Variants in ZFHX3 observed in about 807,000 individuals in gnomAD.
ZFHX3 encodes the protein zinc finger homeobox 3, also known as zinc finger homeobox protein 3.
In ZFHX3, 42 loss-of-function variants were observed where a neutral mutation model predicts 279.1. The observed-to-expected ratio is 0.15, with a 90% CI of 0.12 to 0.19. The LOEUF is 0.19. Among genes scored for constraint, ZFHX3 ranks in the 10% least tolerant of loss-of-function variants. The pLI, the probability that ZFHX3 is intolerant of heterozygous loss-of-function variation, is 1.00. For missense variants in ZFHX3, 4,981 were observed against 4,754.0 expected, an observed-to-expected ratio of 1.05 and a Z score of -1.40; for synonymous variants, 2,293 against 1,957.8, an observed-to-expected ratio of 1.17 and a Z score of -4.52.
At chr16:73,492,373 T>C (rs1489032655) in intron 2 of ZFHX3, among the ~76,000 whole-genome samples, 3 of 152,248 alleles carry the variant, frequency 2.0e-5, no homozygotes, top group African/African-American at 7.2e-5. Flanking sequence ...CTTGTATGGC[T>C]GTGTTGACTG....
At chr16:73,693,682 A>C (rs577038972) in intron 1 of ZFHX3, among the ~76,000 whole-genome samples, 1 of 152,340 alleles carries the variant, frequency 6.6e-6, no homozygotes, top group East Asian at 1.9e-4. Flanking sequence ...AGTACCATAA[A>C]GGAAAGCCCT....
At chr16:73,004,172 T>TA in intron 1 of ZFHX3, among the ~76,000 whole-genome samples, 1 of 138,680 alleles carries the variant, frequency 7.2e-6, no homozygotes, top group Admixed American at 7.4e-5. Flanking sequence ...TTTTTTTTTT[T>TA]TTTTTTTTTT....
At chr16:73,081,519 A>G (rs1314339345) in intron 8 of ZFHX3, 1 of 152,150 alleles carries the variant, frequency 6.6e-6, no homozygotes, top group East Asian at 1.9e-4. Flanking sequence ...TCGACCTCCC[A>G]AAGTGCTGGG....
chr16:73,884,098 C>A (rs2030268437), intron 1 of ZFHX3, among the ~76,000 whole-genome samples: 2 of 152,278 alleles, frequency 1.3e-5, no homozygotes, highest in South Asian at 4.1e-4. Context: ...GTTTCCAGCA[C>A]ACTGTGATCA....
intron 3 of ZFHX3, among the ~76,000 whole-genome samples, chr16:73,436,615 G>C (rs927586435): frequency 6.6e-6 from 1 of 152,104 alleles, no homozygotes; most frequent in African/African-American, 2.4e-5. Context: ...CAGCCAAACC[G>C]TATCAGCTAC....
At chr16:73,336,349 C>T (rs2015912555) in intron 3 of ZFHX3, among the ~76,000 whole-genome samples, 1 of 152,070 alleles carries the variant, frequency 6.6e-6, no homozygotes, top group African/African-American at 2.4e-5. Flanking sequence ...GGACAATAAG[C>T]ATAGCACCTG....
chr16:73,648,196 T>C (rs908193062), intron 2 of ZFHX3, among the ~76,000 whole-genome samples: 7 of 152,216 alleles, frequency 4.6e-5, no homozygotes, highest in African/African-American at 1.7e-4. Context: ...TCTATATGGA[T>C]GCCGACTGAT....
chr16:73,518,405 C>G (rs1424010), intron 2 of ZFHX3, among the ~76,000 whole-genome samples: 110,232 of 152,172 alleles, frequency 0.72, 40,931 homozygotes, highest in East Asian at 0.99. Context: ...GGTTCAATTA[C>G]CCTTTGCCAA....
At chr16:73,644,547 G>C (rs2052601106) in intron 2 of ZFHX3, among the ~76,000 whole-genome samples, 1 of 152,168 alleles carries the variant, frequency 6.6e-6, no homozygotes, top group Admixed American at 6.5e-5. Context: ...TGTAATCCCA[G>C]CTACCCCAGA....
At chr16:73,053,335 C>T (rs1272871128) in intron 1 of ZFHX3, among the ~76,000 whole-genome samples, 1 of 152,144 alleles carries the variant, frequency 6.6e-6, no homozygotes, top group Admixed American at 6.5e-5. Context: ...AACAACCCAA[C>T]AGGGATGGAA....
intron 4 of ZFHX3, among the ~76,000 whole-genome samples, chr16:72,838,071 G>C (rs972892093): frequency 1.3e-5 from 2 of 152,188 alleles, no homozygotes; most frequent in Middle Eastern, 3.2e-3. Context: ...TTGCAGCAGG[G>C]AGGCCCTGCA....
chr16:72,850,561 G>A (rs2037590891), intron 4 of ZFHX3, among the ~76,000 whole-genome samples: 1 of 152,188 alleles, frequency 6.6e-6, no homozygotes, highest in Non-Finnish European at 1.5e-5. Context: ...TGGGGATATA[G>A]GGTGGGTCCA....
At chr16:72,811,880 C>T (rs755553707) in intron 6 of ZFHX3, 25 bp downstream of exon 6, 1 of 1,612,086 alleles carries the variant, frequency 6.2e-7, no homozygotes, top group South Asian at 1.1e-5. Flanking sequence ...CACCTCCCCA[C>T]CAGCAGAGTC....
chr16:73,847,002 CT>C (rs1961466353), intron 1 of ZFHX3, among the ~76,000 whole-genome samples: 1 of 152,188 alleles, frequency 6.6e-6, no homozygotes, highest in Middle Eastern at 3.4e-3. Context: ...GATTGCAGGG[CT>C]TTAAAAGCCC....
Position 73,428,199 on chromosome 16 carries a change from G to C in ZFHX3, c.-1291+27804C>G, listed in dbSNP as rs2017845811. Among the ~76,000 whole-genome samples the C allele has an allele frequency of 2.0e-5, 3 of 152,154 alleles. No individual in the cohort carries two copies. In the South Asian group the frequency reaches 6.2e-4, roughly 32 times the overall value. On this transcript the variant is annotated intron_variant, in intron 3 of 17. Coordinates refer to the ZFHX3 transcript ENST00000641206. ...CCAGGCCTGCGGGAGCCAGGCTATT[G>C]TCTTCTAGGTTCCCCTTCCCCAGTG...
rs1464998653 is a variant in ZFHX3, at chr16:72,869,137, AAC to A, written c.3448+20592_3448+20593del. Among the ~76,000 whole-genome samples the A allele has an allele frequency of 5.9e-5, 9 of 152,360 alleles. No individual in the cohort carries two copies. In the East Asian group the frequency reaches 1.7e-3, roughly 29 times the overall value. On this transcript the variant is annotated intron_variant, in intron 4 of 9. Transcript: ENST00000268489. Reference sequence around the variant, plus strand: ...AAGGCAGGAAGGACTTCAAATTTTTAACAGTTTTAGTAGAGAAAATGGAAAAT... The same window carrying A: ...AAGGCAGGAAGGACTTCAAATTTTTAAGTTTTAGTAGAGAAAATGGAAAAT...
In ZFHX3 at chr16:72,784,270, C is replaced by T. The variant is rs1419533768; in HGVS notation, c.*2894G>A. On this transcript the variant is annotated 3_prime_UTR_variant, in exon 10 of 10. Transcript: ENST00000268489. ...GCTCCATGAAAAAAAAAAACAAAAA[C>T]AAAAACAAAAACCCAAACCATCAGG... 6.7e-6 allele frequency: 1 copy of T among 148,410 alleles called. No individual in the cohort carries two copies. The highest frequency in any genetic ancestry group is 2.5e-5 in the African/African-American group (1 of 40,140). The allele number at this position is 148,410 out of a possible 1,614,324, so 9.2% of individuals were successfully genotyped here.
chr16:73,206,614 AT>A (rs565839296), intron 5 of ZFHX3, among the ~76,000 whole-genome samples: 4,711 of 152,042 alleles, frequency 0.031, 119 homozygotes, highest in Non-Finnish European at 0.049. Flanking sequence ...TGTATTCAGT[AT>A]TTTTTTTCCA....
At chr16:72,829,961 T>C in intron 4 of ZFHX3, 102 bp from the exon 5 acceptor site, 1 of 1,192,408 alleles carries the variant, frequency 8.4e-7, no homozygotes, top group Non-Finnish European at 1.2e-6. Context: ...CAGACACCAA[T>C]GACTCGTCCC....
Sources: allele counts gnomAD v4.1 joint callset (sites outside exome capture counted in the v4.1 genomes callset), GRCh38; gene constraint gnomAD v4.1.1; transcripts MANE v1.5; gene names NCBI Gene and HGNC (gene_info 2026-07-23, HGNC 2026-07-21).